The following SEMA5A variants were observed in gnomAD, a reference collection of about 807,000 sequenced individuals.
SEMA5A encodes semaphorin-5A.
A neutral mutation model predicts 135.5 loss-of-function variants in SEMA5A; 55 were observed. The observed-to-expected ratio is 0.41, with a 90% CI of 0.33 to 0.51. The LOEUF (loss-of-function observed/expected upper bound fraction) is 0.51. SEMA5A is among the 20% of genes least tolerant of loss of function. The probability of loss-of-function intolerance (pLI) is 0.37; values close to 1 mark genes in which losing one functional copy is unlikely to be tolerated. For missense variants in SEMA5A, 1,290 were observed against 1,419.9 expected (o/e 0.91, Z 1.47); for synonymous variants, 580 against 546.5 (o/e 1.06, Z -0.85).
chr5:9,122,666 T>G lies in SEMA5A; in HGVS notation c.1771A>C (p.Asn591His), dbSNP rs773582502. Residue 591 changes from asparagine to histidine, a missense_variant, in exon 14 of 23, where the codon AAC becomes CAC. Transcript: ENST00000382496. ...QCEGPGMEIA[N>H]CSRNGGWTPW... ...TTCTGAGCGGCACACCTGGAACAGT[T>G]GGCGATCTCCATGCCAGGGCCCTCG... 8 of 1,600,460 alleles carry G rather than the reference T, an allele frequency of 5.0e-6. No homozygotes were observed. Among genetic ancestry groups the G allele is most frequent in the Middle Eastern group, 1.7e-4 (1 of 5,874 alleles).
intron 22 of SEMA5A, chr5:9,043,386 TA>T (rs1736068039): frequency 5.3e-6 from 1 of 188,298 alleles, no homozygotes; most frequent in African/African-American, 2.4e-5. Context: ...CGTATTCATA[TA>T]ACTGAATAGA....
intron 16 of SEMA5A, among the ~76,000 whole-genome samples, chr5:9,079,836 A>G (rs1459455734): frequency 2.0e-5 from 3 of 152,226 alleles, no homozygotes; most frequent in Non-Finnish European, 4.4e-5. Context: ...GCAAACCAAA[A>G]ACACAATGAG....
chr5:9,207,118 A>ATATATATATG (rs1238636095), intron 8 of SEMA5A, among the ~76,000 whole-genome samples: 4 of 140,500 alleles, frequency 2.8e-5, no homozygotes, highest in African/African-American at 7.8e-5. Context: ...ATATATATAT[A>ATATATATATG]TATATATATA....
At chr5:9,302,469 C>T (rs1438858973) in intron 5 of SEMA5A, among the ~76,000 whole-genome samples, 1 of 152,214 alleles carries the variant, frequency 6.6e-6, no homozygotes, top group Non-Finnish European at 1.5e-5. Context: ...CAATCTCATA[C>T]TTGCTTTACA....
chr5:9,100,997 G>A (rs554537860), intron 16 of SEMA5A, among the ~76,000 whole-genome samples: 49 of 152,298 alleles, frequency 3.2e-4, no homozygotes, highest in East Asian at 3.9e-4. Flanking sequence ...CTTCTCAGAT[G>A]CATCTAGATA....
intron 8 of SEMA5A, among the ~76,000 whole-genome samples, chr5:9,209,990 T>C (rs1436646143): frequency 6.6e-6 from 1 of 152,166 alleles, no homozygotes; most frequent in Non-Finnish European, 1.5e-5. Context: ...ACAATGAACA[T>C]TGAGCCATTT....
chr5:9,058,119 A>G (rs571581157), intron 18 of SEMA5A, among the ~76,000 whole-genome samples: 152 of 152,180 alleles, frequency 1.0e-3, no homozygotes, highest in Non-Finnish European at 2.0e-3. Context: ...ACTAAAATAG[A>G]TTTTTTTCCC....
chr5:9,288,228 T>G (rs2150578516), intron 5 of SEMA5A, among the ~76,000 whole-genome samples: 1 of 152,192 alleles, frequency 6.6e-6, no homozygotes, highest in East Asian at 1.9e-4. Flanking sequence ...AAGACACAGG[T>G]GTGGAAGAGG....
At chr5:9,161,236 C>T (rs1743237216) in intron 11 of SEMA5A, among the ~76,000 whole-genome samples, 1 of 151,922 alleles carries the variant, frequency 6.6e-6, no homozygotes, top group African/African-American at 2.4e-5. Context: ...CATGGGAACG[C>T]AGTGACCTGA....
chr5:9,461,211 C>T (rs1168421759), intron 1 of SEMA5A, among the ~76,000 whole-genome samples: 1 of 152,144 alleles, frequency 6.6e-6, no homozygotes, highest in Non-Finnish European at 1.5e-5. Flanking sequence ...TGTGGCAAAG[C>T]AGGAATATGG....
At chr5:9,301,542 G>T (rs1473587799) in intron 5 of SEMA5A, among the ~76,000 whole-genome samples, 2 of 152,160 alleles carry the variant, frequency 1.3e-5, no homozygotes, top group Non-Finnish European at 2.9e-5. Context: ...AATGGCCTCT[G>T]TTGGGCCTTC....
intron 2 of SEMA5A, among the ~76,000 whole-genome samples, chr5:9,414,045 T>C (rs1561233658): frequency 6.6e-6 from 1 of 152,192 alleles, no homozygotes; most frequent in African/African-American, 2.4e-5. Flanking sequence ...ATAATTATCA[T>C]CTACTGTCTT....
At chr5:9,215,170 C>G (rs570484627) in intron 8 of SEMA5A, among the ~76,000 whole-genome samples, 1 of 152,202 alleles carries the variant, frequency 6.6e-6, no homozygotes, top group East Asian at 1.9e-4. Flanking sequence ...AAGAAGACAA[C>G]GCCATCTGCT....
chr5:9,384,709 TAGATAGAC>T (rs1162054189), intron 2 of SEMA5A, among the ~76,000 whole-genome samples: 3,559 of 127,380 alleles, frequency 0.028, 310 homozygotes, highest in African/African-American at 0.074. Flanking sequence ...GATAGATAGA[TAGATAGAC>T]AGACAGACAG....
At chr5:9,495,692 C>T (rs914179204) in intron 1 of SEMA5A, among the ~76,000 whole-genome samples, 11 of 152,172 alleles carry the variant, frequency 7.2e-5, no homozygotes, top group African/African-American at 2.4e-4. Flanking sequence ...GCGGGGCCTC[C>T]GGCTCCCACT....
chr5:9,257,879 T>C (rs1749165324), intron 5 of SEMA5A, among the ~76,000 whole-genome samples: 1 of 152,166 alleles, frequency 6.6e-6, no homozygotes, highest in African/African-American at 2.4e-5. Flanking sequence ...TAGACAGCTC[T>C]GTACCCAGTA....
chr5:9,365,240 C>A (rs1754863915), intron 3 of SEMA5A, among the ~76,000 whole-genome samples: 1 of 152,104 alleles, frequency 6.6e-6, no homozygotes, highest in African/African-American at 2.4e-5. Flanking sequence ...GGAGCAAGGG[C>A]AAGGCTAGTA....
At chr5:9,209,591 C>A in intron 8 of SEMA5A, among the ~76,000 whole-genome samples, 1 of 152,210 alleles carries the variant, frequency 6.6e-6, no homozygotes, top group South Asian at 2.1e-4. Flanking sequence ...ACATTGAGCT[C>A]CAACATTATT....
intron 5 of SEMA5A, among the ~76,000 whole-genome samples, chr5:9,292,232 C>T (rs1364695505): frequency 2.6e-5 from 4 of 152,182 alleles, no homozygotes; most frequent in African/African-American, 9.7e-5. Flanking sequence ...AATCCTCCAG[C>T]CCATTTATGG....
Sources: gnomAD v4.1 joint callset for allele counts (sites outside exome capture counted in the v4.1 genomes callset) on GRCh38, gnomAD v4.1.1 for gene constraint, MANE v1.5 for transcripts, NCBI Gene and HGNC (gene_info 2026-07-23, HGNC 2026-07-21) for gene names.